Variants in CRPPA observed in about 807,000 individuals in gnomAD.
CRPPA encodes D-ribitol-5-phosphate cytidylyltransferase.
In CRPPA, 43 loss-of-function variants were observed where a neutral mutation model predicts 52.0. The observed-to-expected ratio is 0.83, with a 90% CI of 0.65 to 1.07. The LOEUF (loss-of-function observed/expected upper bound fraction) is 1.07, where lower values mean the gene tolerates loss of function less well. Ranked by LOEUF, CRPPA falls within the 50% of genes least tolerant of loss-of-function variation. The pLI, the probability that CRPPA is intolerant of heterozygous loss-of-function variation, is 0.00. For missense variants in CRPPA, 629 were observed against 551.7 expected, an observed-to-expected ratio of 1.14 and a Z score of -1.40; for synonymous variants, 250 against 203.5, an observed-to-expected ratio of 1.23 and a Z score of -1.94.
chr7:16,379,933 A>G (rs1241948078), intron 2 of CRPPA, among the ~76,000 whole-genome samples: 1 of 152,142 alleles, frequency 6.6e-6, no homozygotes, highest in Non-Finnish European at 1.5e-5. Flanking sequence ...TGTCATCTGC[A>G]AACAGGGACA....
intron 3 of CRPPA, among the ~76,000 whole-genome samples, chr7:16,322,387 T>C (rs553153185): frequency 6.6e-6 from 1 of 152,200 alleles, no homozygotes; most frequent in East Asian, 1.9e-4. Context: ...TATGTTAAGG[T>C]ACCACACAAA....
Position 16,091,784 on chromosome 7 carries a change from G to A in CRPPA, c.1267C>T (p.Gln423Ter). Residue 423 changes from glutamine to a stop codon, truncating the protein, a stop_gained, in exon 10 of 10, where the codon CAG becomes TAG. Coordinates refer to ENST00000407010, the MANE Select transcript of CRPPA (RefSeq NM_001101426.4). LOFTEE classifies it high-confidence loss of function. ...ATAGCACCTTGCCTTAAACTCTCCT[G>A]TAGCTTCTGATCATCCTGAAAAGAA... ...ISYPQDDQKL[Q>*]ESLRQGAIII... 1 of 1,528,472 alleles carries A rather than the reference G, an allele frequency of 6.5e-7. No homozygotes were observed. Among genetic ancestry groups the A allele is most frequent in the Non-Finnish European group, 8.8e-7 (1 of 1,134,810 alleles). 94.7% of individuals were successfully genotyped at this position (1,528,472 alleles called of 1,614,324 possible).
intron 8 of CRPPA, among the ~76,000 whole-genome samples, chr7:16,230,773 A>G (rs999846236): frequency 2.6e-5 from 4 of 152,126 alleles, no homozygotes; most frequent in African/African-American, 9.7e-5. Flanking sequence ...GTCTTCACAG[A>G]TAGGGATTTG....
intron 3 of CRPPA, among the ~76,000 whole-genome samples, chr7:16,345,450 T>C (rs60710809): frequency 0.3 from 45,230 of 151,982 alleles, 6,959 homozygotes; most frequent in Admixed American, 0.34. Flanking sequence ...TAAGTAAATA[T>C]AAATGATCAT....
At chr7:16,374,829 C>A (rs1199736097) in intron 3 of CRPPA, among the ~76,000 whole-genome samples, 1 of 152,142 alleles carries the variant, frequency 6.6e-6, no homozygotes, top group Non-Finnish European at 1.5e-5. Flanking sequence ...AAAAAAAAAT[C>A]AAACTTAATC....
At chr7:16,309,172 A>G (rs1268472021) in intron 3 of CRPPA, among the ~76,000 whole-genome samples, 1 of 152,214 alleles carries the variant, frequency 6.6e-6, no homozygotes, top group East Asian at 1.9e-4. Context: ...AACTGTAAAC[A>G]TATCTCATAA....
intron 3 of CRPPA, among the ~76,000 whole-genome samples, chr7:16,363,151 A>G (rs1010770881): frequency 3.3e-5 from 5 of 152,220 alleles, no homozygotes; most frequent in Non-Finnish European, 7.3e-5. Flanking sequence ...CCCCTAAAGA[A>G]GCTCCAAGTT....
intron 8 of CRPPA, among the ~76,000 whole-genome samples, chr7:16,257,653 G>C (rs902021202): frequency 6.6e-6 from 1 of 151,998 alleles, no homozygotes; most frequent in African/African-American, 2.4e-5. Flanking sequence ...TATGGGATGG[G>C]CCTGAGCTTT....
chr7:16,378,670 C>T (rs1048191758), intron 2 of CRPPA, among the ~76,000 whole-genome samples: 2 of 150,672 alleles, frequency 1.3e-5, no homozygotes, highest in Admixed American at 1.3e-4. Context: ...GTTCTAGATC[C>T]CTGAGGAATC....
chr7:16,162,692 T>C (rs1343123064), intron 9 of CRPPA, among the ~76,000 whole-genome samples: 2 of 152,194 alleles, frequency 1.3e-5, no homozygotes, highest in African/African-American at 2.4e-5. Flanking sequence ...GTCTATCAGG[T>C]CTGCTTTGTC....
At chr7:16,388,182 C>A (rs1787343453) in intron 2 of CRPPA, among the ~76,000 whole-genome samples, 1 of 152,038 alleles carries the variant, frequency 6.6e-6, no homozygotes, top group Admixed American at 6.5e-5. Flanking sequence ...CACTATGTTG[C>A]CCAGGCTGGT....
intron 5 of CRPPA, among the ~76,000 whole-genome samples, chr7:16,291,149 G>A (rs1287290537): frequency 6.6e-6 from 1 of 151,976 alleles, no homozygotes; most frequent in Non-Finnish European, 1.5e-5. Flanking sequence ...AGAGGATGCA[G>A]AAGAGAGGGA....
chr7:16,241,946 CTTTTTTTTTTT>C (rs71549979), intron 8 of CRPPA, among the ~76,000 whole-genome samples: 1 of 55,378 alleles, frequency 1.8e-5, no homozygotes, highest in African/African-American at 6.3e-5. Flanking sequence ...AAAATCTATT[CTTTTTTTTTTT>C]TTTTTTTTTT....
At chr7:16,231,222 T>C (rs1467575923) in intron 8 of CRPPA, among the ~76,000 whole-genome samples, 1 of 152,204 alleles carries the variant, frequency 6.6e-6, no homozygotes, top group Non-Finnish European at 1.5e-5. Flanking sequence ...TCCTTCCTAC[T>C]GTCTTCAATG....
intron 3 of CRPPA, among the ~76,000 whole-genome samples, chr7:16,341,552 C>T (rs1785831786): frequency 6.6e-6 from 1 of 152,154 alleles, no homozygotes; most frequent in Non-Finnish European, 1.5e-5. Context: ...GTTTGTTGTA[C>T]AGAGCTGCCC....
chr7:16,389,928 A>AAAAAAAAAAATAT, intron 2 of CRPPA, among the ~76,000 whole-genome samples: 4 of 29,754 alleles, frequency 1.3e-4, no homozygotes, highest in African/African-American at 6.9e-4. Context: ...AAAAAAAAAA[A>AAAAAAAAAAATAT]ATATATATAT....
At chr7:16,149,700 T>A (rs1783037991) in intron 9 of CRPPA, among the ~76,000 whole-genome samples, 2 of 152,156 alleles carry the variant, frequency 1.3e-5, no homozygotes, top group Admixed American at 1.3e-4. Context: ...TGATAAAAAC[T>A]ATTGGCCAGG....
Position 16,156,115 on chromosome 7 carries a change from CAAA to C in CRPPA, c.1251+59948_1251+59950del, listed in dbSNP as rs35258024. 9.0e-3 allele frequency among the ~76,000 whole-genome samples: 1,008 copies of C among 111,946 alleles called. 4 individuals carry two copies. Among genetic ancestry groups the C allele is most frequent in the East Asian group, 0.023 (98 of 4,300 alleles). 73.4% of individuals were successfully genotyped at this position (111,946 alleles called of 152,430 possible). On this transcript the variant is annotated intron_variant, in intron 9 of 9. Transcript: ENST00000407010. ...ATAGACTTACTGAGTTATTCAAAAGCAAAAAAAAAAAAAAAAAAATACGCTATT... is the reference window on the plus strand; with the variant it reads ...ATAGACTTACTGAGTTATTCAAAAGCAAAAAAAAAAAAAAAATACGCTATT...
intron 3 of CRPPA, among the ~76,000 whole-genome samples, chr7:16,326,729 A>G (rs1369615286): frequency 6.6e-6 from 1 of 152,170 alleles, no homozygotes; most frequent in Admixed American, 6.5e-5. Flanking sequence ...TTTTTCGCCA[A>G]TAACTATAAT....
Sources: allele counts gnomAD v4.1 joint callset (sites outside exome capture counted in the v4.1 genomes callset), GRCh38; gene constraint gnomAD v4.1.1; transcripts MANE v1.5; gene names NCBI Gene and HGNC (gene_info 2026-07-23, HGNC 2026-07-21).